The following RGS18 variants were observed in gnomAD, a reference collection of about 807,000 sequenced individuals.
RGS18 encodes regulator of G protein signaling 18, also known as regulator of G-protein signaling 18.
In RGS18, 22 loss-of-function variants were observed where a neutral mutation model predicts 27.6. That is an observed-to-expected ratio of 0.80 (90% CI 0.57 to 1.14). The LOEUF is 1.14. Ranked by LOEUF, RGS18 falls within the 50% of genes most tolerant of loss-of-function variation. The pLI is 0.00. For synonymous variants in RGS18, 89 were observed against 84.6 expected (o/e 1.05, Z -0.29); for missense variants, 299 against 269.6 (o/e 1.11, Z -0.76).
At chr1:192,170,500 G>C (rs1205686796) in intron 3 of RGS18, among the ~76,000 whole-genome samples, 1 of 152,030 alleles carries the variant, frequency 6.6e-6, no homozygotes, top group Non-Finnish European at 1.5e-5. Flanking sequence ...ATCAGAAGCA[G>C]AGCTGATGAG....
intron 4 of RGS18, among the ~76,000 whole-genome samples, chr1:192,183,202 G>A (rs568131092): frequency 3.3e-5 from 5 of 151,508 alleles, no homozygotes; most frequent in Admixed American, 6.6e-5. Flanking sequence ...ATGGACAAGG[G>A]GAAAGAAAGC....
At chr1:192,168,709 T>C (rs1656203242) in intron 3 of RGS18, 1 of 152,214 alleles carries the variant, frequency 6.6e-6, no homozygotes, top group African/African-American at 2.4e-5. Flanking sequence ...CCTTGGTTCA[T>C]ACATGCCTGT....
rs979339407 is a variant in RGS18, at chr1:192,184,832, A to C, written c.*278A>C. ...ACAAAAAAAGTAATAATGTTTTATA[A>C]GATTGTAGAGTTAAGTAAAAGTTAA... is the stretch of plus-strand genomic sequence containing the variant. On this transcript the variant is annotated 3_prime_UTR_variant, in exon 5 of 5. Transcript: ENST00000367460. The C allele has an allele frequency of 1.3e-5, 4 of 311,430 alleles. No individual in the cohort carries two copies. Among genetic ancestry groups the C allele is most frequent in the African/African-American group, 6.5e-5 (3 of 46,374 alleles). The allele number at this position is 311,430 out of a possible 1,614,324, so 19.3% of individuals were successfully genotyped here. A position where few individuals can be genotyped will look rare whatever the true frequency, so the allele number is the denominator to read the frequency against.
At chr1:192,169,491 A>G (rs1487036229) in intron 3 of RGS18, 3 of 152,190 alleles carry the variant, frequency 2.0e-5, no homozygotes, top group Non-Finnish European at 4.4e-5. Flanking sequence ...CTATTTAAAT[A>G]GTAACTGAGG....
intron 4 of RGS18, among the ~76,000 whole-genome samples, chr1:192,181,785 C>T (rs72730991): frequency 0.16 from 24,046 of 151,460 alleles, 2,412 homozygotes; most frequent in South Asian, 0.29. Flanking sequence ...GGTAATATAA[C>T]ACCAGAACTT....
intron 3 of RGS18, among the ~76,000 whole-genome samples, chr1:192,173,854 C>A (rs1656311961): frequency 6.6e-6 from 1 of 151,716 alleles, no homozygotes; most frequent in Non-Finnish European, 1.5e-5. Flanking sequence ...ACAGAACCAA[C>A]TTTGGCTTTG....
chr1:192,163,608 C>T (rs1383239150), intron 3 of RGS18: 1 of 152,068 alleles, frequency 6.6e-6, no homozygotes, highest in African/African-American at 2.4e-5. Flanking sequence ...AAGAAATCAG[C>T]ACTGACCCAC....
At chr1:192,160,530 T>G in intron 3 of RGS18, 91 bp downstream of exon 3, 1 of 875,838 alleles carries the variant, frequency 1.1e-6, no homozygotes, top group African/African-American at 1.7e-5. Flanking sequence ...GGTCACAAAA[T>G]TTTTGTCTGA....
At chr1:192,162,525 C>T (rs974824317) in intron 3 of RGS18, among the ~76,000 whole-genome samples, 2 of 152,036 alleles carry the variant, frequency 1.3e-5, no homozygotes, top group Non-Finnish European at 2.9e-5. Flanking sequence ...TCAAGTGATC[C>T]ACCCATCTAG....
chr1:192,170,669 GAA>G (rs879875844), intron 3 of RGS18, among the ~76,000 whole-genome samples: 110 of 125,778 alleles, frequency 8.7e-4, no homozygotes, highest in Middle Eastern at 4.1e-3. Flanking sequence ...GGCAAAATTA[GAA>G]AAAAAAAAAA....
intron 3 of RGS18, among the ~76,000 whole-genome samples, chr1:192,162,296 G>GTTGTTTTGTT (rs776952030): frequency 6.6e-6 from 1 of 151,816 alleles, no homozygotes; most frequent in Non-Finnish European, 1.5e-5. Flanking sequence ...TGGTTTGTTT[G>GTTGTTTTGTT]TTGTTTTGTT....
intron 3 of RGS18, among the ~76,000 whole-genome samples, chr1:192,179,193 G>A (rs1300187757): frequency 6.6e-6 from 1 of 151,482 alleles, no homozygotes; most frequent in Non-Finnish European, 1.5e-5. Flanking sequence ...ATCAGATGCT[G>A]CCAAGTGGGA....
Position 192,160,381 on chromosome 1 carries a change from C to CT in RGS18, c.226dup (p.Ser76PhefsTer3), listed in dbSNP as rs761717034. 6.2e-7 allele frequency: 1 copy of CT among 1,609,182 alleles called. No homozygotes were observed. Among genetic ancestry groups the CT allele is most frequent in the Non-Finnish European group, 8.5e-7 (1 of 1,176,002 alleles). ...AAACATTTTGTTTCTTGTACAGAGT[C>CT]TCCCCTGAAGAGGCAGTGAAATGGG... On this transcript the variant is annotated frameshift_variant, in exon 3 of 5. Transcript: ENST00000367460. LOFTEE classifies it high-confidence loss of function.
chr1:192,179,159 T>C (rs891824728), intron 3 of RGS18, among the ~76,000 whole-genome samples: 5 of 151,386 alleles, frequency 3.3e-5, no homozygotes, highest in African/African-American at 1.2e-4. Context: ...GGAAGAGTAT[T>C]TGAAAAAGGA....
chr1:192,164,698 G>A (rs1008718366), intron 3 of RGS18, among the ~76,000 whole-genome samples: 11 of 152,202 alleles, frequency 7.2e-5, no homozygotes, highest in Admixed American at 2.6e-4. Context: ...CAGGGACCCC[G>A]AAAGAAGGGA....
chr1:192,181,698 G>T (rs1046058602), intron 4 of RGS18, among the ~76,000 whole-genome samples: 35 of 151,370 alleles, frequency 2.3e-4, no homozygotes, highest in African/African-American at 8.5e-4. Context: ...TTTCTTTGTG[G>T]TGATAATATT....
chr1:192,158,795 A>T, intron 1 of RGS18, 39 bp downstream of exon 1: 1 of 1,358,510 alleles, frequency 7.4e-7, no homozygotes, highest in Non-Finnish European at 1.0e-6. Flanking sequence ...TATACTTTTA[A>T]AAGCATAATT....
At chr1:192,178,459 A>G (rs966227601) in intron 3 of RGS18, among the ~76,000 whole-genome samples, 1 of 151,712 alleles carries the variant, frequency 6.6e-6, no homozygotes, top group Non-Finnish European at 1.5e-5. Context: ...GGATAAACTG[A>G]GAAGGATTTG....
At chr1:192,163,607 G>T (rs751296900) in intron 3 of RGS18, 22 of 152,032 alleles carry the variant, frequency 1.4e-4, no homozygotes, top group Non-Finnish European at 2.8e-4. Flanking sequence ...AAAGAAATCA[G>T]CACTGACCCA....
Sources: gnomAD v4.1 joint callset for allele counts (sites outside exome capture counted in the v4.1 genomes callset) on GRCh38, gnomAD v4.1.1 for gene constraint, MANE v1.5 for transcripts, NCBI Gene and HGNC (gene_info 2026-07-23, HGNC 2026-07-21) for gene names.